NRG3: variants seen among roughly 807,000 people sequenced by gnomAD.
The protein encoded by NRG3 is neuregulin 3, also known as pro-neuregulin-3, membrane-bound isoform.
A neutral mutation model predicts 66.9 loss-of-function variants in NRG3; 31 were observed. The observed-to-expected ratio is 0.46, with a 90% CI of 0.35 to 0.63. NRG3 has a LOEUF of 0.63. NRG3 is among the 20% of genes least tolerant of loss of function. NRG3 has a pLI of 0.00. For synonymous variants in NRG3, 393 were observed against 359.4 expected (o/e 1.09, Z -1.06); for missense variants, 910 against 878.9 (o/e 1.04, Z -0.45).
At chr10:82,385,194 A>T (rs977436059) in intron 2 of NRG3, among the ~76,000 whole-genome samples, 2 of 151,948 alleles carry the variant, frequency 1.3e-5, no homozygotes, top group Non-Finnish European at 2.9e-5. Flanking sequence ...TAAGTTTTTT[A>T]TAGATATTGT....
intron 2 of NRG3, among the ~76,000 whole-genome samples, chr10:82,527,372 C>A (rs1037365375): frequency 6.6e-6 from 1 of 151,652 alleles, no homozygotes; most frequent in African/African-American, 2.4e-5. Context: ...TAGTAAACTA[C>A]AATTTTAAAA....
chr10:82,985,364 G>C lies in NRG3; in HGVS notation c.1850G>C (p.Ser617Thr). The C allele has an allele frequency of 6.2e-7, 1 of 1,614,142 alleles. No homozygotes were observed. Among genetic ancestry groups the C allele is most frequent in the Non-Finnish European group, 8.5e-7 (1 of 1,180,020 alleles). ...ADVVNVSIPVSDCLIAEQQEV... is the reference protein window; with the variant it reads ...ADVVNVSIPVTDCLIAEQQEV... ...GTTGTCAATGTGAGTATTCCAGTCA[G>C]CGATTGTCTTATAGCAGAACAACAA... The change falls in exon 9 of 9, where the codon AGC (serine) becomes ACC (threonine). Residue 617 changes from serine to threonine, a missense_variant. Coordinates refer to ENST00000372141, the MANE Select transcript of NRG3 (RefSeq NM_001010848.4).
chr10:82,364,096 A>G (rs1437293132), intron 2 of NRG3, among the ~76,000 whole-genome samples: 1 of 152,184 alleles, frequency 6.6e-6, no homozygotes, highest in African/African-American at 2.4e-5. Context: ...TCATTTATGT[A>G]ACACCCGGTT....
chr10:82,596,311 C>T (rs1237457950), intron 2 of NRG3, among the ~76,000 whole-genome samples: 1 of 152,136 alleles, frequency 6.6e-6, no homozygotes, highest in Non-Finnish European at 1.5e-5. Context: ...GACCTGTAGG[C>T]CAGGCTTTGC....
At chr10:82,797,013 A>G (rs2060827969) in intron 3 of NRG3, among the ~76,000 whole-genome samples, 1 of 152,232 alleles carries the variant, frequency 6.6e-6, no homozygotes, top group African/African-American at 2.4e-5. Context: ...CCAGAATTAG[A>G]AAAACTCTGA....
chr10:82,062,045 A>G (rs1297375189), intron 1 of NRG3, among the ~76,000 whole-genome samples: 1 of 152,136 alleles, frequency 6.6e-6, no homozygotes, highest in African/African-American at 2.4e-5. Context: ...AGCTATCCAA[A>G]GATAGCTTTG....
intron 1 of NRG3, among the ~76,000 whole-genome samples, chr10:82,222,946 T>C (rs2076011271): frequency 6.6e-6 from 1 of 152,212 alleles, no homozygotes; most frequent in African/African-American, 2.4e-5. Flanking sequence ...TATAGAAACA[T>C]GTTATTTTTG....
chr10:82,804,674 A>T (rs1181956667), intron 3 of NRG3, among the ~76,000 whole-genome samples: 1 of 152,230 alleles, frequency 6.6e-6, no homozygotes, highest in Non-Finnish European at 1.5e-5. Flanking sequence ...CATTTGCCTT[A>T]CAACACAAAG....
intron 1 of NRG3, among the ~76,000 whole-genome samples, chr10:81,921,228 A>G (rs1479208762): frequency 2.6e-5 from 4 of 152,026 alleles, no homozygotes; most frequent in African/African-American, 4.8e-5. Context: ...TCATATTGTC[A>G]TGCTAATCTC....
chr10:82,252,066 C>T (rs1589472355), intron 1 of NRG3, among the ~76,000 whole-genome samples: 1 of 152,292 alleles, frequency 6.6e-6, no homozygotes, highest in East Asian at 1.9e-4. Flanking sequence ...GAGACTGAGG[C>T]CTTCTGTGGG....
intron 2 of NRG3, among the ~76,000 whole-genome samples, chr10:82,507,562 GCCACA>G (rs1844801885): frequency 6.6e-6 from 1 of 152,134 alleles, no homozygotes; most frequent in Admixed American, 6.5e-5. Context: ...GTCTGTGGAT[GCCACA>G]TCTGACTCTG....
At chr10:81,911,446 C>T (rs529346746) in intron 1 of NRG3, among the ~76,000 whole-genome samples, 1 of 151,946 alleles carries the variant, frequency 6.6e-6, no homozygotes, top group South Asian at 2.1e-4. Flanking sequence ...TAGCTATTGA[C>T]TGAGAGAGAT....
intron 2 of NRG3, among the ~76,000 whole-genome samples, chr10:82,566,393 G>A (rs894914766): frequency 6.6e-6 from 1 of 151,910 alleles, no homozygotes; most frequent in African/African-American, 2.4e-5. Context: ...TCATGGAATA[G>A]CACACGTGTG....
chr10:82,087,524 G>T (rs1225351343), intron 1 of NRG3, among the ~76,000 whole-genome samples: 9 of 152,110 alleles, frequency 5.9e-5, no homozygotes, highest in Non-Finnish European at 1.5e-5. Flanking sequence ...CCACCCAACA[G>T]TACAGGTGGA....
intron 1 of NRG3, among the ~76,000 whole-genome samples, chr10:82,253,123 C>G (rs917163168): frequency 6.6e-6 from 1 of 152,174 alleles, no homozygotes. Context: ...ACAACTATAT[C>G]AGCTCTAATA....
At position 82,058,699 on chromosome 10, in the gene NRG3, T is replaced by C. The variant is rs1471449573; in HGVS notation, c.823+182536T>C. On this transcript the variant is annotated intron_variant, in intron 1 of 8. Transcript: ENST00000372141. ...TCATCTCACAAGTTTTTGGTGTTTTTTCCTAAGGAAACATGGAAGGTCATT... is the reference window on the plus strand; with the variant it reads ...TCATCTCACAAGTTTTTGGTGTTTTCTCCTAAGGAAACATGGAAGGTCATT... Among the ~76,000 whole-genome samples, 3 of 152,148 alleles carry C rather than the reference T, an allele frequency of 2.0e-5. No homozygotes were observed. The East Asian group carries it at 5.8e-4, about 29-fold the overall frequency.
At chr10:82,843,235 G>A (rs1226568238) in intron 3 of NRG3, 2 of 454,514 alleles carry the variant, frequency 4.4e-6, no homozygotes, top group Admixed American at 2.4e-5. Flanking sequence ...ATTACGAAGT[G>A]GGACATTTAA....
chr10:82,930,560 T>C (rs1256160455), intron 4 of NRG3, among the ~76,000 whole-genome samples: 1 of 152,186 alleles, frequency 6.6e-6, no homozygotes, highest in East Asian at 1.9e-4. Flanking sequence ...TGTCTGGATG[T>C]TCAGGAACAC....
At chr10:82,479,555 T>C (rs1049427628) in intron 2 of NRG3, among the ~76,000 whole-genome samples, 1 of 147,862 alleles carries the variant, frequency 6.8e-6, no homozygotes, top group African/African-American at 2.5e-5. Context: ...CCCCAGCTAC[T>C]TGGGAGTCTG....
Sources: allele counts gnomAD v4.1 joint callset (sites outside exome capture counted in the v4.1 genomes callset), GRCh38; gene constraint gnomAD v4.1.1; transcripts MANE v1.5; gene names NCBI Gene and HGNC (gene_info 2026-07-23, HGNC 2026-07-21).